The following ZKSCAN2 variants were observed in gnomAD, a reference collection of about 807,000 sequenced individuals.
The protein encoded by ZKSCAN2 is zinc finger with KRAB and SCAN domains 2.
Under a neutral mutation model 90.5 loss-of-function variants are expected in ZKSCAN2, and 38 were observed. The observed-to-expected ratio is 0.42, with a 90% CI of 0.32 to 0.55. ZKSCAN2 has a LOEUF of 0.55. Among genes scored for constraint, ZKSCAN2 ranks in the 20% least tolerant of loss-of-function variants. ZKSCAN2 has a pLI of 0.11. For synonymous variants in ZKSCAN2, 429 were observed against 421.6 expected (o/e 1.02, Z -0.22); for missense variants, 1,167 against 1,202.6 (o/e 0.97, Z 0.44).
intron 2 of ZKSCAN2, among the ~76,000 whole-genome samples, 153 bp downstream of exon 2, chr16:25,255,053 T>A (rs1420952080): frequency 6.6e-6 from 1 of 152,078 alleles, no homozygotes; most frequent in Non-Finnish European, 1.5e-5. Flanking sequence ...TCACTTATAT[T>A]GCACATGTTC....
chr16:25,240,780 T>C, intron 6 of ZKSCAN2, 42 bp from the exon 7 acceptor site: 8 of 1,556,760 alleles, frequency 5.1e-6, no homozygotes, highest in Non-Finnish European at 7.0e-6. Context: ...ACAAGTCTGA[T>C]ATTAACCATA....
rs985635724 is a variant in ZKSCAN2 at position 25,246,446 on chromosome 16, C to T, written c.1489+261G>A. ...CCTGTAACTCCATTTGTCTTCCTTCCACAAGGACCCAAACACTCAAAATCC... is the reference window on the plus strand; with the variant it reads ...CCTGTAACTCCATTTGTCTTCCTTCTACAAGGACCCAAACACTCAAAATCC... On this transcript the variant is annotated intron_variant, in intron 5 of 6. Coordinates refer to ENST00000328086, the MANE Select transcript of ZKSCAN2 (RefSeq NM_001012981.5). 2.1e-5 allele frequency: 11 copies of T among 523,214 alleles called. No homozygotes were observed. The Admixed American group carries it at 2.9e-4, about 14-fold the overall frequency. 32.4% of individuals were successfully genotyped at this position (523,214 alleles called of 1,614,324 possible). A position where few individuals can be genotyped will look rare whatever the true frequency, so the allele number is the denominator to read the frequency against.
chr16:25,249,100 A>G (rs898121818), intron 4 of ZKSCAN2, among the ~76,000 whole-genome samples: 1 of 152,200 alleles, frequency 6.6e-6, no homozygotes, highest in African/African-American at 2.4e-5. Flanking sequence ...TCATAGAAGT[A>G]GAGAGTAGAA....
intron 4 of ZKSCAN2, among the ~76,000 whole-genome samples, chr16:25,249,369 T>C (rs1177684996): frequency 1.3e-5 from 2 of 152,194 alleles, no homozygotes; most frequent in African/African-American, 4.8e-5. Context: ...GACTTGCCTC[T>C]GCCTCCTGGG....
intron 5 of ZKSCAN2, 127 bp from the exon 6 acceptor site, chr16:25,244,403 G>T: frequency 1.1e-6 from 1 of 950,426 alleles, no homozygotes. Flanking sequence ...AACTACATAT[G>T]CCTAGGAATA....
Position 25,240,109 on chromosome 16 carries a change from T to A in ZKSCAN2, c.2611A>T (p.Ser871Cys). ...CGECGKSFTNSSHFSAHRRVH... is the reference protein window; with the variant it reads ...CGECGKSFTNCSHFSAHRRVH... ...CTCCGGTGGGCGCTGAAATGAGAAC[T>A]GTTGGTGAAACTTTTCCCACACTCT... is the stretch of plus-strand genomic sequence containing the variant. Residue 871 changes from serine to cysteine, a missense_variant, in exon 7 of 7, where the codon AGT becomes TGT. Coordinates refer to ENST00000328086, the MANE Select transcript of ZKSCAN2 (RefSeq NM_001012981.5). 1 of 1,612,990 alleles carries A rather than the reference T, an allele frequency of 6.2e-7. No homozygotes were observed.
At chr16:25,253,503 CATA>C (rs1963051990) in intron 2 of ZKSCAN2, among the ~76,000 whole-genome samples, 1 of 151,532 alleles carries the variant, frequency 6.6e-6, no homozygotes, top group Admixed American at 6.6e-5. Flanking sequence ...TGCATTCCAT[CATA>C]ATATAAATTT....
intron 4 of ZKSCAN2, among the ~76,000 whole-genome samples, chr16:25,247,691 G>T (rs969619237): frequency 2.0e-5 from 3 of 152,072 alleles, no homozygotes; most frequent in African/African-American, 4.8e-5. Context: ...GTTGTGTTAG[G>T]TTCAGGGTAT....
In ZKSCAN2 at chr16:25,243,816, C is replaced by T. The variant is rs1281032665; in HGVS notation, c.1950G>A (p.Gln650=). Reference sequence around the variant, plus strand: ...GGCTCTGCAGTAGACCTGGAGGTCCCTGGAACTCTGGCTCTTGCACAATTT... The same window carrying T: ...GGCTCTGCAGTAGACCTGGAGGTCCTTGGAACTCTGGCTCTTGCACAATTT... ...EEEIVQEPEF[Q]GPPGLLQSPN... The change falls in exon 6 of 7, where the codon CAG becomes CAA. Residue 650 remains glutamine, a synonymous_variant. Coordinates refer to ENST00000328086, the MANE Select transcript of ZKSCAN2 (RefSeq NM_001012981.5). The T allele has an allele frequency of 3.1e-6, 5 of 1,613,836 alleles. No individual in the cohort carries two copies. Among genetic ancestry groups the T allele is most frequent in the Admixed American group, 3.3e-5 (2 of 59,972 alleles).
intron 6 of ZKSCAN2, among the ~76,000 whole-genome samples, chr16:25,241,865 A>C (rs972271898): frequency 1.3e-5 from 2 of 152,154 alleles, no homozygotes; most frequent in Non-Finnish European, 2.9e-5. Context: ...TTAAGTAAAA[A>C]GCCCTAACAA....
intron 4 of ZKSCAN2, among the ~76,000 whole-genome samples, chr16:25,251,614 A>T (rs1056410661): frequency 2.0e-5 from 3 of 152,202 alleles, no homozygotes; most frequent in South Asian, 4.1e-4. Flanking sequence ...AAGCTCTCTA[A>T]GCCTCAGTTT....
rs149436235 is a variant in ZKSCAN2 at position 25,247,308 on chromosome 16, G to A, written c.888C>T (p.Asn296=). 207 of 1,614,024 alleles carry A rather than the reference G, an allele frequency of 1.3e-4. 1 individual carries two copies. In the Middle Eastern group the frequency reaches 2.0e-3, roughly 15 times the overall value. ...AGTTGCTTCGTAGGATACTTCTCTT[G>A]TTAGAGGAATGCAGACCTAGAGTCC... ...EPWTLGLHSS[N]KRSILRSNYV... Residue 296 remains asparagine (N), a synonymous_variant, in exon 5 of 7, where the codon AAC becomes AAT. Coordinates refer to ENST00000328086, the MANE Select transcript of ZKSCAN2 (RefSeq NM_001012981.5).
rs1962834859 is a variant in ZKSCAN2, at chr16:25,240,475, T to C, written c.2245A>G (p.Arg749Gly). 6.2e-7 allele frequency: 1 copy of C among 1,614,068 alleles called. No individual in the cohort carries two copies. Among genetic ancestry groups the C allele is most frequent in the Non-Finnish European group, 8.5e-7 (1 of 1,180,046 alleles). Residue 749 changes from arginine to glycine, a missense_variant, in exon 7 of 7, where the codon AGA becomes GGA. By Grantham distance (125) the Arg-to-Gly change is moderately radical. Coordinates refer to ENST00000328086, the MANE Select transcript of ZKSCAN2 (RefSeq NM_001012981.5). ...AAGCTTTCTCCATATTTGAGAAGTC[T>C]GTAGGGTCTCTTCCCCACAAAAGGC... ...QRPFVGKRPY[R>G]LLKYGESFGR...
chr16:25,242,572 G>A (rs1457225364), intron 6 of ZKSCAN2, among the ~76,000 whole-genome samples: 1 of 152,198 alleles, frequency 6.6e-6, no homozygotes, highest in Non-Finnish European at 1.5e-5. Context: ...CAAAGTATGG[G>A]AGGTGAGAGA....
Position 25,243,976 on chromosome 16 carries a change from TC to T in ZKSCAN2, c.1789del (p.Glu597LysfsTer33), listed in dbSNP as rs1232878992. The T allele has an allele frequency of 6.2e-7, 1 of 1,614,178 alleles. No individual in the cohort carries two copies. Among genetic ancestry groups the T allele is most frequent in the Non-Finnish European group, 8.5e-7 (1 of 1,180,022 alleles). On this transcript the variant is annotated frameshift_variant, in exon 6 of 7. Coordinates refer to ENST00000328086, the MANE Select transcript of ZKSCAN2 (RefSeq NM_001012981.5). LOFTEE classifies it high-confidence loss of function. ...ASAPSPSTPE[E>X]VPSPSRQERG... ...TTCTTGCCTTGAAGGTGATGGGACT[TC>T]CTCTGGGGTGCTGGGGGAAGGAGCA...
chr16:25,255,283 T>C lies in ZKSCAN2; in HGVS notation c.509A>G (p.Glu170Gly). Residue 170 changes from glutamate to glycine, a missense_variant, in exon 2 of 7, where the codon GAG becomes GGG. Physicochemically the swap from Glu to Gly is moderately conservative, Grantham distance 98. Transcript: ENST00000328086. ...TCCTGAGTGGAGGCTTCCAGGTTCCTCCCGAGACACCGCCCTGGGTTGGGT... is the reference window on the plus strand; with the variant it reads ...TCCTGAGTGGAGGCTTCCAGGTTCCCCCCGAGACACCGCCCTGGGTTGGGT... ...VETQPRAVSR[E>G]EPGSLHSGHQ... The C allele has an allele frequency of 6.2e-7, 1 of 1,613,782 alleles. No individual in the cohort carries two copies. The highest frequency in any genetic ancestry group is 8.5e-7 in the Non-Finnish European group (1 of 1,179,936).
intron 2 of ZKSCAN2, among the ~76,000 whole-genome samples, chr16:25,254,169 C>T (rs969183128): frequency 1.3e-5 from 2 of 152,170 alleles, no homozygotes; most frequent in African/African-American, 2.4e-5. Context: ...TGCATTCATG[C>T]GTCTTTTCAT....
At position 25,247,050 on chromosome 16, in the gene ZKSCAN2, T is replaced by C. The variant is rs779719755; in HGVS notation, c.1146A>G (p.Arg382=). 1.2e-6 allele frequency: 2 copies of C among 1,614,074 alleles called. No individual in the cohort carries two copies. Among genetic ancestry groups the C allele is most frequent in the Non-Finnish European group, 1.7e-6 (2 of 1,180,048 alleles). The change falls in exon 5 of 7, where the codon CGA becomes CGG. Residue 382 remains arginine, a synonymous_variant. Transcript: ENST00000328086. ...CTGGGGTTCTAAGGAAGCCACATTCTCGCAACCATTCAGCCACAGCACCAT... is the reference window on the plus strand; with the variant it reads ...CTGGGGTTCTAAGGAAGCCACATTCCCGCAACCATTCAGCCACAGCACCAT... ...QVYGAVAEWL[R]ECGFLRTPEQ...
rs1191473272 is a variant in ZKSCAN2, at chr16:25,255,361, G to C, written c.431C>G (p.Ser144Cys). 6.2e-7 allele frequency: 1 copy of C among 1,612,774 alleles called. No individual in the cohort carries two copies. Among genetic ancestry groups the C allele is most frequent in the African/African-American group, 1.3e-5 (1 of 74,874 alleles). Residue 144 changes from serine (S) to cysteine (C), a missense_variant, in exon 2 of 7, where the codon TCC becomes TGC. Physicochemically the swap from Ser to Cys is moderately radical, Grantham distance 112. Transcript: ENST00000328086. ...CACCTCCCACGCTGCTCCAAGTGGG[G>C]AGTGCTTCTCCCGGTGCACGGGACT... ...VSSPVHREKHSPLGAAWEVAD... is the reference protein window; with the variant it reads ...VSSPVHREKHCPLGAAWEVAD...
Sources: allele counts gnomAD v4.1 joint callset (sites outside exome capture counted in the v4.1 genomes callset), GRCh38; gene constraint gnomAD v4.1.1; transcripts MANE v1.5; gene names NCBI Gene and HGNC (gene_info 2026-07-23, HGNC 2026-07-21).